The following MAK variants were observed in gnomAD, a reference collection of about 807,000 sequenced individuals.
MAK encodes male germ cell associated kinase.
In MAK, 65 loss-of-function variants were observed where a neutral mutation model predicts 82.6. That is an observed-to-expected ratio of 0.79 (90% CI 0.64 to 0.97). The LOEUF is 0.97. Among genes scored for constraint, MAK ranks in the 50% least tolerant of loss-of-function variants. MAK has a pLI of 0.00. For missense variants in MAK, 703 were observed against 780.2 expected, an observed-to-expected ratio of 0.90 and a Z score of 1.18; for synonymous variants, 250 against 274.2, an observed-to-expected ratio of 0.91 and a Z score of 0.87.
chr6:10,804,006 C>G (rs905125467), intron 6 of MAK, 115 bp from the exon 7 acceptor site: 16 of 848,872 alleles, frequency 1.9e-5, no homozygotes, highest in Non-Finnish European at 3.1e-5. Flanking sequence ...GTATTCAGAC[C>G]CTGTTCCATC....
intron 10 of MAK, 86 bp from the exon 11 acceptor site, chr6:10,784,658 C>CATCTCGCCCACCCTCTGCAT: frequency 1.6e-6 from 2 of 1,220,598 alleles, no homozygotes; most frequent in Admixed American, 1.7e-5. Context: ...ACCCTCTGCA[C>CATCTCGCCCACCCTCTGCAT]ATCTTCCTAA....
intron 9 of MAK, among the ~76,000 whole-genome samples, chr6:10,794,313 A>C (rs1178141192): frequency 6.6e-6 from 1 of 152,188 alleles, no homozygotes; most frequent in African/African-American, 2.4e-5. Flanking sequence ...TCTACTGAGA[A>C]TCTACCATGT....
At chr6:10,795,751 A>T (rs1335809545) in intron 9 of MAK, among the ~76,000 whole-genome samples, 1 of 152,228 alleles carries the variant, frequency 6.6e-6, no homozygotes, top group East Asian at 1.9e-4. Flanking sequence ...TCTCAAAAAA[A>T]GAAAAAGAAA....
intron 1 of MAK, among the ~76,000 whole-genome samples, chr6:10,833,324 G>C (rs538735611): frequency 4.5e-4 from 68 of 152,164 alleles, no homozygotes; most frequent in Non-Finnish European, 7.8e-4. Context: ...CGGAGTGTGG[G>C]CTGGGCGCCC....
At chr6:10,810,011 T>C (rs2127566294) in intron 5 of MAK, among the ~76,000 whole-genome samples, 1 of 143,556 alleles carries the variant, frequency 7.0e-6, no homozygotes, top group South Asian at 2.1e-4. Flanking sequence ...GGCAGAAGAA[T>C]CACTTGAACC....
At chr6:10,797,844 AG>A in intron 8 of MAK, 1 of 1,285,330 alleles carries the variant, frequency 7.8e-7, no homozygotes, top group Non-Finnish European at 1.0e-6. Context: ...CTCCCTAATT[AG>A]GTCTTTCCAC....
At chr6:10,799,703 G>A (rs1191974772) in intron 8 of MAK, among the ~76,000 whole-genome samples, 1 of 152,246 alleles carries the variant, frequency 6.6e-6, no homozygotes, top group Non-Finnish European at 1.5e-5. Flanking sequence ...GGCCAAGGCA[G>A]GCAGATCACC....
chr6:10,772,969 T>G, intron 13 of MAK, 65 bp downstream of exon 13: 1 of 1,110,924 alleles, frequency 9.0e-7, no homozygotes, highest in East Asian at 2.6e-5. Context: ...GGGGCAAATG[T>G]TGAGAAGAAA....
In MAK at chr6:10,803,707, C is replaced by T. The variant is rs1776190128; in HGVS notation, c.663+13G>A. 2.5e-6 allele frequency: 4 copies of T among 1,608,938 alleles called. No homozygotes were observed. Among genetic ancestry groups the T allele is most frequent in the Non-Finnish European group, 3.4e-6 (4 of 1,175,386 alleles). ...ATCAAAAGTTATAGCAACTTAGGGA[C>T]AAGAGTACTTACTTTTTTGGGAGTC... is the stretch of plus-strand genomic sequence containing the variant. On this transcript the variant is annotated intron_variant, in intron 7 of 14. Coordinates refer to ENST00000354489, the MANE Select transcript of MAK (RefSeq NM_001242957.3).
intron 2 of MAK, among the ~76,000 whole-genome samples, chr6:10,826,039 T>C (rs1349008334): frequency 6.6e-6 from 1 of 152,166 alleles, no homozygotes; most frequent in Non-Finnish European, 1.5e-5. Flanking sequence ...CATGACCTTC[T>C]AGTCTTCAAG....
chr6:10,833,340 C>T (rs145455733), intron 1 of MAK, among the ~76,000 whole-genome samples: 1 of 152,266 alleles, frequency 6.6e-6, no homozygotes, highest in African/African-American at 2.4e-5. Context: ...CGCCCTGGCT[C>T]ATCCCTGTAA....
intron 4 of MAK, among the ~76,000 whole-genome samples, chr6:10,814,245 G>A (rs565291619): frequency 2.2e-4 from 34 of 152,010 alleles, no homozygotes; most frequent in Non-Finnish European, 3.7e-4. Context: ...CTGGGATTAC[G>A]GGCATGAGCC....
At position 10,813,643 on chromosome 6, in the gene MAK, C is replaced by T. The variant is rs1777234626; in HGVS notation, c.358+1G>A. 1 of 1,555,368 alleles carries T rather than the reference C, an allele frequency of 6.4e-7. No individual in the cohort carries two copies. The highest frequency in any genetic ancestry group is 8.9e-7 in the Non-Finnish European group (1 of 1,126,718). ...GGAAATTAAACTTAAAAGAAACCTA[C>T]CATGTTTATGGATAAAAGCCAGCCC... is the stretch of plus-strand genomic sequence containing the variant. On this transcript the variant is annotated splice_donor_variant, in intron 5 of 14. Transcript: ENST00000354489. LOFTEE classifies it high-confidence loss of function.
intron 2 of MAK, among the ~76,000 whole-genome samples, chr6:10,830,156 T>C (rs530349826): frequency 0.014 from 1,823 of 134,134 alleles, 48 homozygotes; most frequent in South Asian, 0.057. Flanking sequence ...TGTGTGTGTG[T>C]GCGTGTGCAC....
chr6:10,782,210 A>G (rs9461185), intron 11 of MAK, among the ~76,000 whole-genome samples: 7 of 4,986 alleles, frequency 1.4e-3, no homozygotes, highest in African/African-American at 8.1e-3. Flanking sequence ...TGTCACACAC[A>G]CACACACACA....
intron 10 of MAK, among the ~76,000 whole-genome samples, chr6:10,788,606 G>C (rs894297201): frequency 6.6e-6 from 1 of 151,964 alleles, no homozygotes; most frequent in African/African-American, 2.4e-5. Flanking sequence ...GGTGGCACAC[G>C]CCTGTAACAA....
intron 5 of MAK, among the ~76,000 whole-genome samples, chr6:10,811,427 C>G (rs1446056579): frequency 6.6e-6 from 1 of 152,260 alleles, no homozygotes; most frequent in Non-Finnish European, 1.5e-5. Context: ...ACTATGTAGC[C>G]AACTCTACAG....
At chr6:10,831,966 G>T (rs1778844848) in intron 1 of MAK, among the ~76,000 whole-genome samples, 1 of 152,182 alleles carries the variant, frequency 6.6e-6, no homozygotes, top group South Asian at 2.1e-4. Context: ...GAGACAGAGT[G>T]AGACTCTGGT....
At chr6:10,806,641 G>A (rs1343697713) in intron 6 of MAK, among the ~76,000 whole-genome samples, 2 of 151,572 alleles carry the variant, frequency 1.3e-5, no homozygotes, top group East Asian at 1.9e-4. Context: ...ACAGGCGTGA[G>A]CCACTGTGCC....
Sources: gnomAD v4.1 joint callset for allele counts (sites outside exome capture counted in the v4.1 genomes callset) on GRCh38, gnomAD v4.1.1 for gene constraint, MANE v1.5 for transcripts, NCBI Gene and HGNC (gene_info 2026-07-23, HGNC 2026-07-21) for gene names.